The following SLC30A8 variants were observed in gnomAD, a reference collection of about 807,000 sequenced individuals.
SLC30A8 encodes the protein solute carrier family 30 member 8, also known as proton-coupled zinc antiporter SLC30A8.
SLC30A8 carries 27 observed loss-of-function variants against 36.9 expected under a neutral mutation model. The observed-to-expected ratio is 0.73, with a 90% confidence interval of 0.54 to 1.01. The LOEUF is 1.01. Ranked by LOEUF, SLC30A8 falls within the 50% of genes least tolerant of loss-of-function variation. The pLI is 0.00. For missense variants in SLC30A8, 439 were observed against 452.0 expected, an observed-to-expected ratio of 0.97 and a Z score of 0.26; for synonymous variants, 164 against 172.4, an observed-to-expected ratio of 0.95 and a Z score of 0.38.
At chr8:117,027,719 C>T (rs75227281) in intron 1 of SLC30A8, among the ~76,000 whole-genome samples, 5,807 of 152,216 alleles carry the variant, frequency 0.038, 148 homozygotes, top group South Asian at 0.075. Flanking sequence ...AGTTTAAGAA[C>T]AAGATAATAA....
chr8:117,139,586 G>A (rs1042101848), intron 1 of SLC30A8, among the ~76,000 whole-genome samples: 1 of 152,018 alleles, frequency 6.6e-6, no homozygotes, highest in Non-Finnish European at 1.5e-5. Context: ...CAGATTGTTG[G>A]TCAATTCATA....
intron 2 of SLC30A8, among the ~76,000 whole-genome samples, chr8:117,113,460 G>A (rs931368221): frequency 2.6e-5 from 4 of 152,150 alleles, no homozygotes; most frequent in African/African-American, 4.8e-5. Context: ...TGTTGCAAAA[G>A]TGTAAGTGTT....
At chr8:117,032,409 T>TA (rs1817083564) in intron 1 of SLC30A8, among the ~76,000 whole-genome samples, 1 of 152,274 alleles carries the variant, frequency 6.6e-6, no homozygotes, top group African/African-American at 2.4e-5. Context: ...AAAAAAGATG[T>TA]AAAAAAATAC....
chr8:117,136,650 G>A (rs549307474), intron 1 of SLC30A8, among the ~76,000 whole-genome samples: 1 of 151,896 alleles, frequency 6.6e-6, no homozygotes, highest in Non-Finnish European at 1.5e-5. Flanking sequence ...ATGTATTGAG[G>A]TTATTAACAT....
intron 2 of SLC30A8, among the ~76,000 whole-genome samples, chr8:117,124,550 C>T (rs571653051): frequency 6.6e-6 from 1 of 150,978 alleles, no homozygotes; most frequent in Non-Finnish European, 1.5e-5. Flanking sequence ...AAAAGTAATT[C>T]ATATGACTTT....
intron 1 of SLC30A8, among the ~76,000 whole-genome samples, chr8:116,966,723 A>G (rs922120741): frequency 1.3e-5 from 2 of 152,234 alleles, no homozygotes; most frequent in Non-Finnish European, 2.9e-5. Flanking sequence ...AGCTGACATC[A>G]GATTCTTGAA....
At chr8:116,962,959 G>A (rs771309600) in intron 1 of SLC30A8, among the ~76,000 whole-genome samples, 11 of 151,882 alleles carry the variant, frequency 7.2e-5, no homozygotes, top group East Asian at 1.9e-4. Context: ...CAAGGAACCC[G>A]GAGTCTGGCG....
At position 117,161,823 on chromosome 8, in the gene SLC30A8, C is replaced by T; in HGVS notation, c.658C>T (p.His220Tyr). The T allele has an allele frequency of 1.2e-6, 2 of 1,613,964 alleles. No individual in the cohort carries two copies. Among genetic ancestry groups the T allele is most frequent in the Non-Finnish European group, 1.7e-6 (2 of 1,179,884 alleles). The change falls in exon 5 of 8, where the codon CAT (histidine) becomes TAT (tyrosine). Residue 220 changes from histidine (H) to tyrosine (Y), a missense_variant. Coordinates refer to ENST00000456015, the MANE Select transcript of SLC30A8 (RefSeq NM_173851.3). ...ANASVRAAFV[H>Y]ALGDLFQSIS... ...TGCCAGCGTCAGAGCTGCTTTTGTG[C>T]ATGCCCTTGGAGATCTATTTCAGAG... is the stretch of plus-strand genomic sequence containing the variant.
intron 1 of SLC30A8, among the ~76,000 whole-genome samples, chr8:116,974,828 A>C (rs1337670345): frequency 6.6e-6 from 1 of 152,176 alleles, no homozygotes; most frequent in Non-Finnish European, 1.5e-5. Context: ...AAAATGTGGC[A>C]GATATACTCC....
At chr8:117,162,509 T>C (rs1171340692) in intron 5 of SLC30A8, among the ~76,000 whole-genome samples, 1 of 152,086 alleles carries the variant, frequency 6.6e-6, no homozygotes, top group Non-Finnish European at 1.5e-5. Flanking sequence ...AACAAATAAA[T>C]ATCCACTGCA....
At chr8:117,071,557 C>T (rs1254946260) in intron 2 of SLC30A8, among the ~76,000 whole-genome samples, 1 of 151,940 alleles carries the variant, frequency 6.6e-6, no homozygotes, top group Non-Finnish European at 1.5e-5. Flanking sequence ...TAGTTTGATG[C>T]CATTTTGTTT....
intron 2 of SLC30A8, among the ~76,000 whole-genome samples, chr8:117,075,700 T>G (rs920607182): frequency 6.6e-6 from 1 of 152,246 alleles, no homozygotes; most frequent in African/African-American, 2.4e-5. Context: ...TCTAATCCGT[T>G]CTTCATATTG....
chr8:117,038,200 C>A (rs1388868800), intron 1 of SLC30A8, among the ~76,000 whole-genome samples: 1 of 152,180 alleles, frequency 6.6e-6, no homozygotes, highest in African/African-American at 2.4e-5. Flanking sequence ...AGAAAGTTTA[C>A]ATGATAAGTT....
At chr8:117,040,593 C>T (rs537727816) in intron 2 of SLC30A8, among the ~76,000 whole-genome samples, 10 of 152,238 alleles carry the variant, frequency 6.6e-5, no homozygotes, top group South Asian at 2.1e-4. Context: ...CCTCATTCCC[C>T]GGATTAATTA....
At chr8:117,099,706 C>A (rs939736733) in intron 2 of SLC30A8, among the ~76,000 whole-genome samples, 2 of 152,112 alleles carry the variant, frequency 1.3e-5, no homozygotes, top group Non-Finnish European at 2.9e-5. Context: ...GAATAAGATT[C>A]CTGCTCACTA....
chr8:116,984,966 G>A (rs896863304), intron 1 of SLC30A8, among the ~76,000 whole-genome samples: 1 of 151,594 alleles, frequency 6.6e-6, no homozygotes, highest in Non-Finnish European at 1.5e-5. Context: ...CTCCCCTTTG[G>A]TATTAAAATG....
chr8:117,151,313 A>G (rs1586592141), intron 2 of SLC30A8, among the ~76,000 whole-genome samples: 1 of 152,136 alleles, frequency 6.6e-6, no homozygotes, highest in Non-Finnish European at 1.5e-5. Flanking sequence ...TTATTTGTTT[A>G]TCTTTGTATA....
At chr8:117,120,690 T>C (rs1355910652) in intron 2 of SLC30A8, among the ~76,000 whole-genome samples, 2 of 151,392 alleles carry the variant, frequency 1.3e-5, no homozygotes, top group Non-Finnish European at 2.9e-5. Context: ...TAAAGGAAAA[T>C]GTTTGCAAAC....
intron 1 of SLC30A8, among the ~76,000 whole-genome samples, chr8:116,984,312 C>G (rs541283973): frequency 6.6e-6 from 1 of 152,210 alleles, no homozygotes; most frequent in South Asian, 2.1e-4. Flanking sequence ...TTTCATTTCT[C>G]TGGGATAAAT....
Sources: allele counts gnomAD v4.1 joint callset (sites outside exome capture counted in the v4.1 genomes callset), GRCh38; gene constraint gnomAD v4.1.1; transcripts MANE v1.5; gene names NCBI Gene and HGNC (gene_info 2026-07-23, HGNC 2026-07-21).